Variants in MYLK4 observed in about 807,000 individuals in gnomAD.
MYLK4 encodes myosin light chain kinase family member 4.
MYLK4 carries 46 observed loss-of-function variants against 48.1 expected under a neutral mutation model. The ratio of observed to expected loss-of-function variants is 0.96; its 90% CI spans 0.75 to 1.22. The LOEUF (loss-of-function observed/expected upper bound fraction) is 1.22. Among genes scored for constraint, MYLK4 ranks in the 50% most tolerant of loss-of-function variants. The probability of loss-of-function intolerance (pLI) is 0.00; values close to 1 mark genes in which losing one functional copy is unlikely to be tolerated. For synonymous variants in MYLK4, 170 were observed against 180.8 expected (o/e 0.94, Z 0.48); for missense variants, 451 against 486.1 (o/e 0.93, Z 0.68).
At chr6:2,763,330 G>A in the MYLK4 span, among the ~76,000 whole-genome samples, 4 of 152,240 alleles carry the variant, frequency 2.6e-5, no homozygotes, top group African/African-American at 9.6e-5. Flanking sequence ...CCCACGTAAT[G>A]AGCCTGCATT....
chr6:2,766,108 G>C, the MYLK4 span: 1 of 1,319,312 alleles, frequency 7.6e-7, no homozygotes, highest in South Asian at 2.2e-5. Context: ...AGGCGGAGGC[G>C]CAGGAGGAGG....
chr6:2,693,845 A>T (rs1456315158), intron 2 of MYLK4, among the ~76,000 whole-genome samples: 1 of 149,706 alleles, frequency 6.7e-6, no homozygotes, highest in Non-Finnish European at 1.5e-5. Flanking sequence ...GCAACCTCCA[A>T]CTCCCGGGTT....
chr6:2,714,998 C>T (rs1347601576), intron 2 of MYLK4, among the ~76,000 whole-genome samples: 1 of 152,116 alleles, frequency 6.6e-6, no homozygotes, highest in African/African-American at 2.4e-5. Context: ...GGCGTGGTGG[C>T]TCACTCCTAT....
intron 2 of MYLK4, among the ~76,000 whole-genome samples, chr6:2,704,586 C>T (rs924047064): frequency 1.3e-5 from 2 of 152,112 alleles, no homozygotes; most frequent in African/African-American, 2.4e-5. Flanking sequence ...CTGCATTGGC[C>T]GTAACTTCTT....
rs199835956 is a variant in MYLK4, at chr6:2,679,436, A to G, written c.759-28T>C. The G allele has an allele frequency of 1.4e-5, 23 of 1,614,104 alleles. No individual in the cohort carries two copies. In the East Asian group the frequency reaches 4.9e-4, roughly 34 times the overall value. ...GCAATTTAAGAGACAAAGTGGAAGGATGGACGTGTCGATCAAAAATCGTGA... is the reference window on the plus strand; with the variant it reads ...GCAATTTAAGAGACAAAGTGGAAGGGTGGACGTGTCGATCAAAAATCGTGA... On this transcript the variant is annotated intron_variant, in intron 8 of 12. Coordinates refer to ENST00000274643, the MANE Select transcript of MYLK4 (RefSeq NM_001012418.5).
chr6:2,690,657 T>C (rs1761744861), intron 3 of MYLK4, among the ~76,000 whole-genome samples: 1 of 151,760 alleles, frequency 6.6e-6, no homozygotes, highest in African/African-American at 2.4e-5. Flanking sequence ...TCCCAGGGAA[T>C]CTCACCACTG....
chr6:2,703,662 A>ATTTTTTTTTT (rs759946900), intron 2 of MYLK4, among the ~76,000 whole-genome samples: 1 of 62,138 alleles, frequency 1.6e-5, no homozygotes, highest in African/African-American at 6.6e-5. Flanking sequence ...CCCTTTGTGA[A>ATTTTTTTTTT]TTCTTTTTTT....
chr6:2,707,925 T>A (rs755385972), intron 2 of MYLK4, among the ~76,000 whole-genome samples: 2 of 152,142 alleles, frequency 1.3e-5, no homozygotes, highest in African/African-American at 4.8e-5. Flanking sequence ...AGCATACCAT[T>A]CATAAGCATC....
the MYLK4 span, chr6:2,765,596 C>G: frequency 6.1e-6 from 9 of 1,478,248 alleles, 1 homozygote; most frequent in African/African-American, 2.9e-5. Context: ...GCGGCCGCGC[C>G]GGGCGCCGGG....
At chr6:2,703,954 C>A (rs542747072) in intron 2 of MYLK4, among the ~76,000 whole-genome samples, 39 of 152,262 alleles carry the variant, frequency 2.6e-4, no homozygotes, top group African/African-American at 9.1e-4. Flanking sequence ...CAGGCGAATT[C>A]TTTCTTAAAC....
At chr6:2,748,803 C>T (rs1159821072) in intron 2 of MYLK4, among the ~76,000 whole-genome samples, 5 of 152,230 alleles carry the variant, frequency 3.3e-5, no homozygotes, top group Admixed American at 6.5e-5. Context: ...CTTCTTTCTG[C>T]AGAACAGTGT....
At chr6:2,742,585 G>A (rs1224558939) in intron 2 of MYLK4, among the ~76,000 whole-genome samples, 1 of 151,062 alleles carries the variant, frequency 6.6e-6, no homozygotes, top group East Asian at 1.9e-4. Context: ...GGATGAAATT[G>A]GAAATCATCA....
intron 11 of MYLK4, among the ~76,000 whole-genome samples, chr6:2,671,832 G>A (rs1398622303): frequency 6.6e-6 from 1 of 152,172 alleles, no homozygotes; most frequent in Admixed American, 6.5e-5. Flanking sequence ...GGAAAAGCTG[G>A]GGCATTTAAT....
chr6:2,769,551 T>C, the MYLK4 span, among the ~76,000 whole-genome samples: 2 of 152,166 alleles, frequency 1.3e-5, no homozygotes, highest in Non-Finnish European at 2.9e-5. Context: ...TTCACAAAAC[T>C]CTACTGAGCC....
intron 2 of MYLK4, among the ~76,000 whole-genome samples, chr6:2,694,542 G>C (rs1217256676): frequency 1.1e-5 from 1 of 86,986 alleles, no homozygotes; most frequent in East Asian, 2.6e-4. Flanking sequence ...AGTAGTGTTG[G>C]TTGTGGTGGT....
the MYLK4 span, among the ~76,000 whole-genome samples, chr6:2,761,639 T>C: frequency 1.4e-4 from 21 of 152,312 alleles, no homozygotes; most frequent in Non-Finnish European, 2.6e-4. Context: ...TTATTCCTCC[T>C]TTAGATTTGG....
chr6:2,735,416 A>G (rs112852337), intron 2 of MYLK4, among the ~76,000 whole-genome samples: 20 of 152,360 alleles, frequency 1.3e-4, no homozygotes, highest in African/African-American at 4.6e-4. Flanking sequence ...TATTATTCCA[A>G]ATATTCTGCT....
At chr6:2,698,946 A>T (rs561437441) in intron 2 of MYLK4, among the ~76,000 whole-genome samples, 2 of 152,300 alleles carry the variant, frequency 1.3e-5, no homozygotes, top group African/African-American at 2.4e-5. Context: ...CCAGAAAGGG[A>T]AAGTGTTCAC....
chr6:2,697,299 T>TATCA (rs1218935062), intron 2 of MYLK4, among the ~76,000 whole-genome samples: 6 of 152,264 alleles, frequency 3.9e-5, no homozygotes, highest in African/African-American at 1.4e-4. Context: ...TAATTAGAAC[T>TATCA]ATCAGCTCAA....
Sources: gnomAD v4.1 joint callset for allele counts (sites outside exome capture counted in the v4.1 genomes callset) on GRCh38, gnomAD v4.1.1 for gene constraint, MANE v1.5 for transcripts, NCBI Gene and HGNC (gene_info 2026-07-23, HGNC 2026-07-21) for gene names.